Variants in EXOC1 observed in about 807,000 individuals in gnomAD.
EXOC1 encodes exocyst complex component 1.
EXOC1 carries 67 observed loss-of-function variants against 107.7 expected under a neutral mutation model. The ratio of observed to expected loss-of-function variants is 0.62; its 90% confidence interval spans 0.51 to 0.76. The LOEUF (loss-of-function observed/expected upper bound fraction) is 0.76, where lower values mean the gene tolerates loss of function less well. Ranked by LOEUF, EXOC1 falls within the 30% of genes least tolerant of loss-of-function variation. The pLI is 0.00. For synonymous variants in EXOC1, 348 were observed against 353.5 expected, an observed-to-expected ratio of 0.98 and a Z score of 0.17; for missense variants, 833 against 1,055.7, an observed-to-expected ratio of 0.79 and a Z score of 2.92.
chr4:55,875,882 T>A (rs1722851981), intron 8 of EXOC1: 2 of 895,836 alleles, frequency 2.2e-6, no homozygotes, highest in Admixed American at 1.2e-4. Context: ...CTGGGCAGCA[T>A]AGTAAGACTC....
intron 4 of EXOC1, 111 bp downstream of exon 4, chr4:55,864,497 C>CT: frequency 1.0e-6 from 1 of 969,632 alleles, no homozygotes; most frequent in Non-Finnish European, 1.5e-6. Flanking sequence ...CGTAAAAGAA[C>CT]TTTAAAATAA....
rs1024271671 is a variant in EXOC1 at position 55,853,731 on chromosome 4, T to C, written c.-233T>C. 1.3e-5 allele frequency: 2 copies of C among 152,288 alleles called. No homozygotes were observed. Among genetic ancestry groups the C allele is most frequent in the East Asian group, 3.9e-4 (2 of 5,194 alleles). The allele number at this position is 152,288 out of a possible 1,614,324, so 9.4% of individuals were successfully genotyped here. A position where few individuals can be genotyped will look rare whatever the true frequency, so the allele number is the denominator to read the frequency against. ...CGCTTTATTGAGGGGCGTATCCTAG[T>C]GGCCCCCATCCGGTCTCCGTTTTGG... On this transcript the variant is annotated 5_prime_UTR_variant, in exon 1 of 19. Transcript: ENST00000381295.
In EXOC1 at chr4:55,891,376, G is replaced by A. The variant is rs144260319; in HGVS notation, c.1601G>A (p.Ser534Asn). Reference sequence around the variant, plus strand: ...TGTCTGGCAGAACAGGACTTCATAAGTAAATTTTTCAAACTACAGCAACAT... The same window carrying A: ...TGTCTGGCAGAACAGGACTTCATAAATAAATTTTTCAAACTACAGCAACAT... Reference protein sequence around the residue: ...PLCLAEQDFISKFFKLQQHQS... With the variant: ...PLCLAEQDFINKFFKLQQHQS... Residue 534 changes from serine (S) to asparagine (N), a missense_variant, in exon 13 of 19, where the codon AGT (serine) becomes AAT (asparagine). Coordinates refer to ENST00000381295, the MANE Select transcript of EXOC1 (RefSeq NM_001024924.2). 1.4e-4 allele frequency: 220 copies of A among 1,613,970 alleles called. No individual in the cohort carries two copies. The African/African-American group carries it at 2.8e-3, about 21-fold the overall frequency.
rs1337765390 is a variant in EXOC1 at position 55,902,208 on chromosome 4, ATTG to A, written c.2338-133_2338-131del. The A allele has an allele frequency of 1.8e-5, 10 of 555,268 alleles. No homozygotes were observed. In the South Asian group the frequency reaches 2.1e-4, roughly 11 times the overall value. The allele number at this position is 555,268 out of a possible 1,614,324, so 34.4% of individuals were successfully genotyped here. ...CATCTCAGAAGTATGTTAATAAGTG[ATTG>A]TTATTTTATTGTTTATACTTTCACA... On this transcript the variant is annotated intron_variant, in intron 17 of 18. Transcript: ENST00000381295.
intron 5 of EXOC1, 68 bp downstream of exon 5, chr4:55,868,591 T>C: frequency 7.1e-7 from 1 of 1,413,676 alleles, no homozygotes; most frequent in African/African-American, 1.4e-5. Context: ...GATGTTCATA[T>C]TATACTACCT....
At chr4:55,897,051 T>A (rs1725292216) in intron 16 of EXOC1, 151 bp downstream of exon 16, 1 of 645,458 alleles carries the variant, frequency 1.5e-6, no homozygotes, top group African/African-American at 1.9e-5. Context: ...ATTTGGAAAA[T>A]AAAACCTATT....
chr4:55,866,102 A>T (rs1281257546), intron 4 of EXOC1, among the ~76,000 whole-genome samples: 2 of 152,120 alleles, frequency 1.3e-5, no homozygotes, highest in Non-Finnish European at 2.9e-5. Flanking sequence ...CTAAGTTTTG[A>T]GTGATGTTAG....
chr4:55,854,390 CA>C (rs1720763912), intron 1 of EXOC1, among the ~76,000 whole-genome samples: 1 of 152,094 alleles, frequency 6.6e-6, no homozygotes, highest in Admixed American at 6.5e-5. Flanking sequence ...ACAGAGTAAG[CA>C]GTGGATGGCT....
chr4:55,891,718 T>A (rs1724568344), intron 13 of EXOC1, among the ~76,000 whole-genome samples: 1 of 152,170 alleles, frequency 6.6e-6, no homozygotes. Context: ...AAGAACATTA[T>A]TTAAAAGGCT....
intron 9 of EXOC1, chr4:55,882,801 T>G (rs1337683209): frequency 6.6e-6 from 1 of 152,184 alleles, no homozygotes; most frequent in African/African-American, 2.4e-5. Context: ...TTCTAAAAAT[T>G]GACACATTAA....
chr4:55,904,350 G>T lies in EXOC1; in HGVS notation c.2540G>T (p.Trp847Leu). The stretch of plus-strand genomic sequence containing the variant: ...TTTTTTTTTTAATAATAGGTGGTGT[G>T]GCACTCCATGCAAGATGAATTTATA... The part of the protein sequence containing the change: ...CEEENLLQVV[W>L]HSMQDEFIRQ... Residue 847 changes from tryptophan (W) to leucine (L), a missense_variant, in exon 19 of 19, where the codon TGG becomes TTG. By Grantham distance (61) the Trp-to-Leu change is moderately conservative (BLOSUM62 -2). Around this residue, in one of 2 missense-constraint regions of EXOC1, gnomAD observed 216 missense variants for 354.4 expected, o/e 0.61. Coordinates refer to ENST00000381295, the MANE Select transcript of EXOC1 (RefSeq NM_001024924.2). 6.2e-7 allele frequency: 1 copy of T among 1,604,386 alleles called. No homozygotes were observed. Among genetic ancestry groups the T allele is most frequent in the African/African-American group, 1.4e-5 (1 of 73,312 alleles).
rs114601107 is a variant in EXOC1 at position 55,889,717 on chromosome 4, A to G, written c.1376-506A>G. Among the ~76,000 whole-genome samples the G allele has an allele frequency of 8.2e-3, 1,249 of 152,326 alleles. 24 individuals carry two copies. The highest frequency in any genetic ancestry group is 0.028 in the African/African-American group (1,167 of 41,572). On this transcript the variant is annotated intron_variant, in intron 11 of 18. Coordinates refer to ENST00000381295, the MANE Select transcript of EXOC1 (RefSeq NM_001024924.2). ...TGTAATTGACTTTTTTTGGTAGGGC[A>G]AAATGATCAAGTATGGGCAGTTTCA...
chr4:55,887,871 T>C (rs1367818475), intron 10 of EXOC1, among the ~76,000 whole-genome samples: 1 of 152,226 alleles, frequency 6.6e-6, no homozygotes, highest in Non-Finnish European at 1.5e-5. Context: ...TTTGCCACTT[T>C]AATGTCCAGC....
At chr4:55,884,207 A>G (rs1053885195) in intron 10 of EXOC1, among the ~76,000 whole-genome samples, 1 of 152,194 alleles carries the variant, frequency 6.6e-6, no homozygotes, top group Non-Finnish European at 1.5e-5. Context: ...AGTTGGTGAG[A>G]AAATGAAGTG....
intron 11 of EXOC1, 139 bp downstream of exon 11, chr4:55,889,071 T>C: frequency 1.4e-6 from 1 of 725,010 alleles, no homozygotes. Context: ...AAAGCCAACA[T>C]GATGGTAGTG....
chr4:55,872,848 T>G (rs1383102929), intron 8 of EXOC1: 14 of 606,954 alleles, frequency 2.3e-5, no homozygotes, highest in Admixed American at 7.8e-5. Flanking sequence ...TCTGATTCTG[T>G]TTTTTTTTTT....
chr4:55,874,205 T>A (rs926065524), intron 8 of EXOC1, among the ~76,000 whole-genome samples: 1 of 152,130 alleles, frequency 6.6e-6, no homozygotes, highest in Non-Finnish European at 1.5e-5. Context: ...TTTACAAATA[T>A]TGTACTGAAG....
intron 8 of EXOC1, 156 bp from the exon 9 acceptor site, chr4:55,877,757 TGTAA>T (rs1723033456): frequency 1.0e-6 from 1 of 984,220 alleles, no homozygotes; most frequent in Admixed American, 6.1e-5. Context: ...ATAAAAGTTG[TGTAA>T]GTATTTGGTT....
At chr4:55,893,527 T>A (rs1428484106) in intron 14 of EXOC1, 25 bp from the exon 15 acceptor site, 1 of 1,599,428 alleles carries the variant, frequency 6.3e-7, no homozygotes, top group East Asian at 2.2e-5. Context: ...TATAACTTTA[T>A]ACTTCTTGTC....
Sources: gnomAD v4.1 joint callset for allele counts (sites outside exome capture counted in the v4.1 genomes callset) on GRCh38, gnomAD v4.1.1 for gene constraint, gnomAD v4.1.1 regional missense constraint, MANE v1.5 for transcripts, NCBI Gene and HGNC (gene_info 2026-07-23, HGNC 2026-07-21) for gene names.